The following RPA3 variants were observed in gnomAD, a reference collection of about 807,000 sequenced individuals.
RPA3 encodes replication protein A3.
In RPA3, 24 loss-of-function variants were observed where a neutral mutation model predicts 13.7. The observed-to-expected ratio is 1.75, with a 90% CI of 1.27 to 2.46. The LOEUF is 2.46. Among genes scored for constraint, RPA3 ranks in the 30% most tolerant of loss-of-function variants. The pLI is 0.00. For missense variants in RPA3, 183 were observed against 151.0 expected, an observed-to-expected ratio of 1.21 and a Z score of -1.11; for synonymous variants, 59 against 51.2, an observed-to-expected ratio of 1.15 and a Z score of -0.65.
chr7:7,655,169 G>A (rs1415023765), intron 4 of RPA3, among the ~76,000 whole-genome samples: 2 of 152,074 alleles, frequency 1.3e-5, no homozygotes, highest in African/African-American at 2.4e-5. Flanking sequence ...ATCAAATGAT[G>A]CCTCTGGCCT....
chr7:7,681,701 T>A (rs1779916807), intron 4 of RPA3, among the ~76,000 whole-genome samples: 1 of 152,158 alleles, frequency 6.6e-6, no homozygotes, highest in African/African-American at 2.4e-5. Context: ...CATAGCCTTA[T>A]ACTACTATTT....
intron 2 of RPA3, among the ~76,000 whole-genome samples, chr7:7,687,778 A>G (rs181170755): frequency 6.6e-6 from 1 of 152,362 alleles, no homozygotes; most frequent in Admixed American, 6.5e-5. Flanking sequence ...TATTAAATAC[A>G]TGATATTCAA....
chr7:7,663,071 G>A (rs1367620119), intron 4 of RPA3, among the ~76,000 whole-genome samples: 1 of 151,642 alleles, frequency 6.6e-6, no homozygotes, highest in Non-Finnish European at 1.5e-5. Context: ...CCCAGCACAG[G>A]CACCCAAATG....
chr7:7,671,061 C>A (rs1274306817), intron 4 of RPA3, among the ~76,000 whole-genome samples: 7 of 152,142 alleles, frequency 4.6e-5, no homozygotes, highest in Non-Finnish European at 7.4e-5. Flanking sequence ...TCTCTGGCAG[C>A]TTCTTATCTG....
At chr7:7,650,780 C>G (rs992541996) in intron 4 of RPA3, among the ~76,000 whole-genome samples, 2 of 152,198 alleles carry the variant, frequency 1.3e-5, no homozygotes, top group African/African-American at 2.4e-5. Context: ...ACTCTCCATC[C>G]AGTGATTTCC....
chr7:7,681,932 T>A (rs371292053), intron 4 of RPA3, among the ~76,000 whole-genome samples: 7 of 152,268 alleles, frequency 4.6e-5, no homozygotes, highest in South Asian at 4.1e-4. Context: ...GCTTATTATG[T>A]TATAGCAAAA....
intron 4 of RPA3, among the ~76,000 whole-genome samples, chr7:7,677,697 G>T (rs1291818062): frequency 2.5e-5 from 3 of 119,534 alleles, no homozygotes; most frequent in Admixed American, 9.7e-5. Flanking sequence ...TTTTTGAGAC[G>T]GAGTCTCGCT....
intron 2 of RPA3, among the ~76,000 whole-genome samples, chr7:7,697,167 T>C (rs917255484): frequency 6.6e-6 from 1 of 152,184 alleles, no homozygotes; most frequent in Non-Finnish European, 1.5e-5. Flanking sequence ...TTGATGATCA[T>C]AATCCACTTC....
chr7:7,713,035 G>T (rs1780806673), intron 2 of RPA3, among the ~76,000 whole-genome samples: 1 of 151,978 alleles, frequency 6.6e-6, no homozygotes, highest in African/African-American at 2.4e-5. Flanking sequence ...CTAGGTGATT[G>T]CTCATTCAAA....
chr7:7,682,103 G>T (rs1259586674), intron 4 of RPA3, among the ~76,000 whole-genome samples: 1 of 152,056 alleles, frequency 6.6e-6, no homozygotes, highest in Non-Finnish European at 1.5e-5. Flanking sequence ...AAAGGAATTG[G>T]GTTACAGTAC....
chr7:7,708,810 G>A (rs964485452), intron 2 of RPA3, among the ~76,000 whole-genome samples: 3 of 152,088 alleles, frequency 2.0e-5, no homozygotes, highest in African/African-American at 7.2e-5. Flanking sequence ...TTAATATGTG[G>A]TTTAAAGGGA....
intron 4 of RPA3, among the ~76,000 whole-genome samples, chr7:7,656,806 T>A (rs562054044): frequency 1.5e-4 from 23 of 152,348 alleles, no homozygotes; most frequent in African/African-American, 5.3e-4. Flanking sequence ...GTAGAATGAT[T>A]TATAATCCTT....
chr7:7,663,838 C>T (rs1443027445), intron 4 of RPA3, among the ~76,000 whole-genome samples: 2 of 152,152 alleles, frequency 1.3e-5, no homozygotes, highest in African/African-American at 4.8e-5. Context: ...CAGTTTTATA[C>T]AACTGATCTC....
At chr7:7,685,624 A>T (rs888098445) in intron 4 of RPA3, among the ~76,000 whole-genome samples, 3 of 152,142 alleles carry the variant, frequency 2.0e-5, no homozygotes, top group African/African-American at 7.2e-5. Flanking sequence ...ATCTTTATAA[A>T]TGTGAATTTC....
Position 7,636,713 on chromosome 7 carries a change from A to C in RPA3, c.*287T>G. 3.5e-6 allele frequency: 1 copy of C among 283,864 alleles called. No individual in the cohort carries two copies. The highest frequency in any genetic ancestry group is 6.5e-6 in the Non-Finnish European group (1 of 153,892). The allele number at this position is 283,864 out of a possible 1,614,324, so 17.6% of individuals were successfully genotyped here. The stretch of plus-strand genomic sequence containing the variant: ...TAAAAGAATGAAAATGAAATGACCG[A>C]TAGTACGTACCATTTTAGTTTTTAT... On this transcript the variant is annotated 3_prime_UTR_variant, in exon 8 of 8. Transcript: ENST00000223129.
intron 2 of RPA3, among the ~76,000 whole-genome samples, chr7:7,713,281 T>C (rs1583765183): frequency 6.6e-6 from 1 of 151,746 alleles, no homozygotes; most frequent in Non-Finnish European, 1.5e-5. Flanking sequence ...GAGGCGGAGG[T>C]TGTGGTGAGC....
intron 5 of RPA3, 107 bp downstream of exon 5, chr7:7,640,213 G>T: frequency 8.5e-7 from 1 of 1,179,470 alleles, no homozygotes; most frequent in Middle Eastern, 2.3e-4. Flanking sequence ...AAGGAGTCGG[G>T]GGCGCAGTGA....
intron 1 of RPA3, among the ~76,000 whole-genome samples, chr7:7,716,614 C>A (rs938953409): frequency 6.6e-6 from 1 of 152,194 alleles, no homozygotes; most frequent in African/African-American, 2.4e-5. Flanking sequence ...ATGGTGCTGG[C>A]CAGGTAGCAA....
chr7:7,665,842 T>A (rs150682007), intron 4 of RPA3, among the ~76,000 whole-genome samples: 173 of 151,982 alleles, frequency 1.1e-3, no homozygotes, highest in African/African-American at 3.8e-3. Context: ...TTTTTTGAGA[T>A]CGTTGCATGT....
Sources: gnomAD v4.1 joint callset for allele counts (sites outside exome capture counted in the v4.1 genomes callset) on GRCh38, gnomAD v4.1.1 for gene constraint, MANE v1.5 for transcripts, NCBI Gene and HGNC (gene_info 2026-07-23, HGNC 2026-07-21) for gene names.